Variants in FKBP1B observed in about 807,000 individuals in gnomAD.
The protein encoded by FKBP1B is FKBP prolyl isomerase 1B, also known as peptidyl-prolyl cis-trans isomerase FKBP1B.
A neutral mutation model predicts 13.5 loss-of-function variants in FKBP1B; 4 were observed. That is an observed-to-expected ratio of 0.30 (90% CI 0.15 to 0.68). The LOEUF (loss-of-function observed/expected upper bound fraction) is 0.68. Among genes scored for constraint, FKBP1B ranks in the 30% least tolerant of loss-of-function variants. FKBP1B has a pLI of 0.76. For synonymous variants in FKBP1B, 54 were observed against 53.6 expected (o/e 1.01, Z -0.03); for missense variants, 93 against 136.2 (o/e 0.68, Z 1.58).
At position 24,063,257 on chromosome 2, in the gene FKBP1B, C is replaced by T; in HGVS notation, c.*65C>T. ...CTCACCCTCCTAGCCTGCTCTGCCA[C>T]TGGGACGGCTCCTGCTTTTGGGGCT... On this transcript the variant is annotated 3_prime_UTR_variant, in exon 4 of 4. Transcript: ENST00000380986. 1.4e-6 allele frequency: 2 copies of T among 1,461,430 alleles called. No homozygotes were observed. The highest frequency in any genetic ancestry group is 1.8e-6 in the Non-Finnish European group (2 of 1,096,000). The allele number at this position is 1,461,430 out of a possible 1,614,324, so 90.5% of individuals were successfully genotyped here.
intron 2 of FKBP1B, among the ~76,000 whole-genome samples, chr2:24,055,971 T>G (rs7568163): frequency 0.29 from 44,537 of 151,968 alleles, 7,136 homozygotes; most frequent in African/African-American, 0.42. Flanking sequence ...CCAACACTTG[T>G]TATTGTCAGG....
At chr2:24,035,541 AAAAC>A in the FKBP1B span, among the ~76,000 whole-genome samples, 1 of 152,180 alleles carries the variant, frequency 6.6e-6, no homozygotes, top group Non-Finnish European at 1.5e-5. Flanking sequence ...GAAGAAAAAG[AAAAC>A]AAACTCTTTA....
chr2:24,034,164 T>C, the FKBP1B span, among the ~76,000 whole-genome samples: 1 of 152,204 alleles, frequency 6.6e-6, no homozygotes. Context: ...CTCACGCCTG[T>C]AATCCCAGAA....
At chr2:24,062,235 C>G (rs1383393023) in intron 3 of FKBP1B, among the ~76,000 whole-genome samples, 1 of 152,084 alleles carries the variant, frequency 6.6e-6, no homozygotes, top group Non-Finnish European at 1.5e-5. Flanking sequence ...TGCAGTGGCA[C>G]AATCTCAGCT....
chr2:24,051,205 G>C (rs544384414), intron 1 of FKBP1B, among the ~76,000 whole-genome samples: 1 of 152,012 alleles, frequency 6.6e-6, no homozygotes, highest in African/African-American at 2.4e-5. Context: ...ATGGTGGTAC[G>C]CACCTGTAAT....
the FKBP1B span, chr2:24,038,521 T>G: frequency 6.2e-7 from 1 of 1,614,254 alleles, no homozygotes; most frequent in Non-Finnish European, 8.5e-7. Flanking sequence ...AACTGCCTTC[T>G]TAAAGGTCAC....
chr2:24,057,498 C>T (rs1373225559), intron 2 of FKBP1B, among the ~76,000 whole-genome samples: 7 of 152,128 alleles, frequency 4.6e-5, no homozygotes, highest in Admixed American at 3.3e-4. Flanking sequence ...CTCAGTCTTC[C>T]GAGTAGCTGG....
chr2:24,038,412 A>G, the FKBP1B span: 1 of 1,614,220 alleles, frequency 6.2e-7, no homozygotes, highest in South Asian at 1.1e-5. Context: ...AAATTATATT[A>G]CAAGTGTTGG....
chr2:24,047,027 G>A (rs1011634108), upstream of FKBP1B, among the ~76,000 whole-genome samples: 26 of 152,086 alleles, frequency 1.7e-4, no homozygotes, highest in Non-Finnish European at 3.4e-4. Context: ...CTCGGACCGA[G>A]GTCTTAAGGC....
the FKBP1B span, among the ~76,000 whole-genome samples, chr2:24,042,871 T>C: frequency 2.1e-5 from 3 of 141,288 alleles, no homozygotes; most frequent in Non-Finnish European, 4.6e-5. Context: ...CCGTCTCTAC[T>C]AAAAATACAA....
At position 24,050,442 on chromosome 2, in the gene FKBP1B, C is replaced by A. The variant is rs1386558281; in HGVS notation, c.37+556C>A. On this transcript the variant is annotated intron_variant, in intron 1 of 3. Coordinates refer to ENST00000380986, the MANE Select transcript of FKBP1B (RefSeq NM_004116.5). The surrounding 1 kb of genome is among the most constrained non-coding windows in gnomAD (Gnocchi z 5.8). ...TCCGGATCTCGCTTTATCCTGCCGC[C>A]GCTTTCAGACTCCCTGGCCACCCTG... Among the ~76,000 whole-genome samples the A allele has an allele frequency of 6.6e-6, 1 of 152,172 alleles. No homozygotes were observed. The highest frequency in any genetic ancestry group is 1.9e-4 in the East Asian group (1 of 5,184).
At chr2:24,046,847 T>C (rs1319759382), upstream of FKBP1B, among the ~76,000 whole-genome samples, 1 of 152,178 alleles carries the variant, frequency 6.6e-6, no homozygotes, top group Non-Finnish European at 1.5e-5. Context: ...CTGTGCAACT[T>C]TGTATCACGG....
Position 24,063,107 on chromosome 2 carries a change from T to C in FKBP1B, c.242T>C (p.Val81Ala). 9 of 1,614,066 alleles carry C rather than the reference T, an allele frequency of 5.6e-6. No homozygotes were observed. The highest frequency in any genetic ancestry group is 7.6e-6 in the Non-Finnish European group (9 of 1,179,950). ...QRAKLTCTPDVAYGATGHPGV... is the reference protein window; with the variant it reads ...QRAKLTCTPDAAYGATGHPGV... ...GCGAAGCTGACCTGCACCCCTGATGTGGCATATGGAGCCACGGGCCACCCC... is the reference window on the plus strand; with the variant it reads ...GCGAAGCTGACCTGCACCCCTGATGCGGCATATGGAGCCACGGGCCACCCC... Residue 81 changes from valine to alanine, a missense_variant, in exon 4 of 4, where the codon GTG (valine) becomes GCG (alanine). By Grantham distance (64) the Val-to-Ala change is moderately conservative. Transcript: ENST00000380986.
chr2:24,049,687 C>T, upstream of FKBP1B: 1 of 460,394 alleles, frequency 2.2e-6, no homozygotes, highest in Non-Finnish European at 3.5e-6. Context: ...CGCCCCCTTG[C>T]CAGTGGCCCC....
chr2:24,044,295 A>T, the FKBP1B span, among the ~76,000 whole-genome samples: 1 of 152,012 alleles, frequency 6.6e-6, no homozygotes, highest in Non-Finnish European at 1.5e-5. Context: ...GTGGGGGCAC[A>T]GTCTTGCTCC....
chr2:24,038,057 G>C, the FKBP1B span: 2 of 1,614,094 alleles, frequency 1.2e-6, no homozygotes, highest in South Asian at 2.2e-5. Context: ...TTAACTGTCA[G>C]CAACAGCCCT....
intron 2 of FKBP1B, among the ~76,000 whole-genome samples, chr2:24,059,187 G>A (rs952480779): frequency 1.3e-5 from 2 of 152,136 alleles, no homozygotes; most frequent in African/African-American, 4.8e-5. Context: ...GGTGGTCCAG[G>A]GACTGCCGGG....
intron 3 of FKBP1B, among the ~76,000 whole-genome samples, 159 bp downstream of exon 3, chr2:24,061,085 C>G (rs1232741573): frequency 1.3e-5 from 2 of 152,102 alleles, no homozygotes; most frequent in Non-Finnish European, 2.9e-5. Flanking sequence ...CCTGGCTTTG[C>G]GTCCCCACCC....
At chr2:24,046,462 A>G (rs1276289512), upstream of FKBP1B, among the ~76,000 whole-genome samples, 1 of 152,208 alleles carries the variant, frequency 6.6e-6, no homozygotes, top group Admixed American at 6.5e-5. Context: ...TTAGGAGGGA[A>G]AAGACCACTG....
Sources: allele counts gnomAD v4.1 joint callset (sites outside exome capture counted in the v4.1 genomes callset), GRCh38; gene constraint gnomAD v4.1.1; non-coding constraint Gnocchi (gnomAD v3.1); transcripts MANE v1.5; gene names NCBI Gene and HGNC (gene_info 2026-07-23, HGNC 2026-07-21).